Variants in EEF1A2 observed in about 807,000 individuals in gnomAD.
EEF1A2 encodes elongation factor 1-alpha 2.
A neutral mutation model predicts 39.3 loss-of-function variants in EEF1A2; 5 were observed. The observed-to-expected ratio is 0.13, with a 90% CI of 0.07 to 0.27. The LOEUF (loss-of-function observed/expected upper bound fraction) is 0.27. EEF1A2 is among the 10% of genes least tolerant of loss of function. EEF1A2 has a pLI of 1.00. For synonymous variants in EEF1A2, 287 were observed against 293.7 expected, an observed-to-expected ratio of 0.98 and a Z score of 0.23; for missense variants, 218 against 681.4, an observed-to-expected ratio of 0.32 and a Z score of 7.57.
chr20:63,493,378 G>C (rs113504041), intron 4 of EEF1A2, 91 bp from the exon 5 acceptor site: 2 of 1,403,498 alleles, frequency 1.4e-6, no homozygotes, highest in Non-Finnish European at 1.9e-6. Flanking sequence ...GAGTACTGCT[G>C]TTCAGGCTAA....
At chr20:63,493,940 T>C (rs935054191) in intron 4 of EEF1A2, among the ~76,000 whole-genome samples, 1 of 152,192 alleles carries the variant, frequency 6.6e-6, no homozygotes, top group African/African-American at 2.4e-5. Flanking sequence ...GAGGCCTCCC[T>C]GGGGAGGGGA....
chr20:63,488,846 C>T, intron 7 of EEF1A2, 72 bp downstream of exon 7: 1 of 1,520,214 alleles, frequency 6.6e-7, no homozygotes, highest in Non-Finnish European at 8.9e-7. Context: ...GCCCCATCCC[C>T]GCAGTCCTCT....
In EEF1A2 at chr20:63,489,045, A is replaced by C. The variant is rs1204115008; in HGVS notation, c.1137T>G (p.Ile379Met). 1 of 1,612,644 alleles carries C rather than the reference A, an allele frequency of 6.2e-7. No individual in the cohort carries two copies. Among genetic ancestry groups the C allele is most frequent in the Non-Finnish European group, 8.5e-7 (1 of 1,179,942 alleles). ...ACKFAELKEKIDRRSGKKLED... is the reference protein window; with the variant it reads ...ACKFAELKEKMDRRSGKKLED... Reference sequence around the variant, plus strand: ...CCAGCTTCTTGCCAGAGCGCCGGTCAATCTTCTCCTTCAGCTCCGCAAACT... The same window carrying C: ...CCAGCTTCTTGCCAGAGCGCCGGTCCATCTTCTCCTTCAGCTCCGCAAACT... Residue 379 changes from isoleucine to methionine, a missense_variant, in exon 7 of 8, where the codon ATT (isoleucine) becomes ATG (methionine). Ile to Met is a conservative substitution (Grantham distance 10). Transcript: ENST00000217182.
chr20:63,489,708 G>A (rs751479288), intron 6 of EEF1A2, among the ~76,000 whole-genome samples: 26 of 152,096 alleles, frequency 1.7e-4, no homozygotes, highest in Non-Finnish European at 1.8e-4. Flanking sequence ...ACTTGAACCC[G>A]GGAGGCGGAG....
Position 63,498,016 on chromosome 20 carries a change from C to A in EEF1A2, c.-71-182G>T. 2.2e-6 allele frequency: 1 copy of A among 459,758 alleles called. No homozygotes were observed. The highest frequency in any genetic ancestry group is 3.9e-6 in the Non-Finnish European group (1 of 257,880). The allele number at this position is 459,758 out of a possible 1,614,324, so 28.5% of individuals were successfully genotyped here. A position where few individuals can be genotyped will look rare whatever the true frequency, so the allele number is the denominator to read the frequency against. On this transcript the variant is annotated intron_variant, in intron 1 of 7. Transcript: ENST00000217182. This position sits in a 1 kb window ranked among gnomAD's most constrained non-coding sequence, Gnocchi z 4.1. ...CTGGCCAGGGCAAGCAGAGGCTGTG[C>A]ACTGCCCCCACCCCACACTTGAGCC...
In EEF1A2 at chr20:63,488,379, G is replaced by A. The variant is rs2145938170; in HGVS notation, c.1311C>T (p.Val437=). The A allele has an allele frequency of 1.4e-6, 2 of 1,478,058 alleles. No individual in the cohort carries two copies. The highest frequency in any genetic ancestry group is 1.8e-6 in the Non-Finnish European group (2 of 1,115,504). The allele number at this position is 1,478,058 out of a possible 1,614,324, so 91.6% of individuals were successfully genotyped here. ...RDMRQTVAVG[V]IKNVEKKSGG... is the part of the protein sequence containing the mutation. ...CGCTCTTCTTCTCCACGTTCTTGAT[G>A]ACGCCTACGGCCACCGTCTGCCTCA... The change falls in exon 8 of 8, where the codon GTC becomes GTT. Residue 437 remains valine, a synonymous_variant. Coordinates refer to ENST00000217182, the MANE Select transcript of EEF1A2 (RefSeq NM_001958.5).
intron 2 of EEF1A2, chr20:63,496,463 G>GT (rs1272051465): frequency 3.5e-5 from 6 of 172,038 alleles, no homozygotes; most frequent in South Asian, 2.8e-4. Context: ...CTGTGTGTGT[G>GT]TGTTTTTTTA....
chr20:63,498,052 C>T lies in EEF1A2; in HGVS notation c.-71-218G>A. 1 of 336,030 alleles carries T rather than the reference C, an allele frequency of 3.0e-6. No individual in the cohort carries two copies. The highest frequency in any genetic ancestry group is 5.4e-6 in the Non-Finnish European group (1 of 183,746). The allele number at this position is 336,030 out of a possible 1,614,324, so 20.8% of individuals were successfully genotyped here. A position where few individuals can be genotyped will look rare whatever the true frequency, so the allele number is the denominator to read the frequency against. On this transcript the variant is annotated intron_variant, in intron 1 of 7. Coordinates refer to ENST00000217182, the MANE Select transcript of EEF1A2 (RefSeq NM_001958.5). This position sits in a 1 kb window ranked among gnomAD's most constrained non-coding sequence, Gnocchi z 4.1. Reference sequence around the variant, plus strand: ...CCCCACACTTGAGCCCAAACAGCCCCATCTGCTGTAAATAACTGGGCGTTG... The same window carrying T: ...CCCCACACTTGAGCCCAAACAGCCCTATCTGCTGTAAATAACTGGGCGTTG...
At chr20:63,496,453 CTG>C (rs201333819) in intron 2 of EEF1A2, 31 of 188,236 alleles carry the variant, frequency 1.6e-4, no homozygotes, top group East Asian at 4.5e-4. Context: ...AAATAACCCT[CTG>C]TGTGTGTGTG....
intron 2 of EEF1A2, chr20:63,496,313 AC>A: frequency 2.0e-6 from 1 of 488,862 alleles, no homozygotes; most frequent in Non-Finnish European, 3.7e-6. Flanking sequence ...CGCTCGCTCT[AC>A]GAGCGAAGCC....
rs1402282508 is a variant in EEF1A2, at chr20:63,497,802, C to A, written c.-39G>T. On this transcript the variant is annotated 5_prime_UTR_variant, in exon 2 of 8. Coordinates refer to ENST00000217182, the MANE Select transcript of EEF1A2 (RefSeq NM_001958.5). The surrounding 1 kb of genome is among the most constrained non-coding windows in gnomAD (Gnocchi z 7.3). The stretch of plus-strand genomic sequence containing the variant: ...TGAGGGGCTGGCGGGACCCGGGGTG[C>A]TCTGGCTCAGGGCGAGGGGGGCTGC... 6.3e-7 allele frequency: 1 copy of A among 1,598,694 alleles called. No homozygotes were observed. The highest frequency in any genetic ancestry group is 1.1e-5 in the South Asian group (1 of 88,670).
At chr20:63,490,773 C>T (rs770749867) in intron 5 of EEF1A2, 38 bp from the exon 6 acceptor site, 19 of 1,571,064 alleles carry the variant, frequency 1.2e-5, no homozygotes, top group East Asian at 2.3e-5. Flanking sequence ...AGGTGGGGCC[C>T]GAGGGGATGC....
chr20:63,489,173 G>A (rs373453903), intron 6 of EEF1A2, 21 bp from the exon 7 acceptor site: 26 of 1,606,580 alleles, frequency 1.6e-5, no homozygotes, highest in East Asian at 2.2e-5. Flanking sequence ...AGCCACAGGC[G>A]GCCATCAGGC....
Position 63,494,924 on chromosome 20 carries a change from C to T in EEF1A2, c.502G>A (p.Asp168Asn), listed in dbSNP as rs779246304. ...TEPAYSEKRY[D>N]EIVKEVSAYI... ...GCGCTGACTTCCTTGACGATCTCGT[C>T]GTAGCGCTTCTCGCTGTAGGCCGGC... The change falls in exon 4 of 8, where the codon GAC (aspartate) becomes AAC (asparagine). Residue 168 changes from aspartate (D) to asparagine (N), a missense_variant. Asp to Asn is a conservative substitution (Grantham distance 23). Around this residue, in one of 4 missense-constraint regions of EEF1A2, gnomAD observed 79 missense variants for 172.3 expected, o/e 0.46. Coordinates refer to ENST00000217182, the MANE Select transcript of EEF1A2 (RefSeq NM_001958.5). The T allele has an allele frequency of 8.1e-6, 13 of 1,612,822 alleles. No homozygotes were observed. The highest frequency in any genetic ancestry group is 4.5e-5 in the East Asian group (2 of 44,872).
chr20:63,496,902 C>G (rs747119664), intron 2 of EEF1A2: 1 of 152,696 alleles, frequency 6.5e-6, no homozygotes, highest in Non-Finnish European at 1.5e-5. Flanking sequence ...GAGGCTCAGC[C>G]CAGGACAGCG....
In EEF1A2 at chr20:63,493,273, C is replaced by G. The variant is rs1196875645; in HGVS notation, c.636G>C (p.Lys212Asn). Residue 212 changes from lysine to asparagine, a missense_variant, in exon 5 of 8, where the codon AAG (lysine) becomes AAC (asparagine). This residue lies in a region of EEF1A2 where 79 missense variants were observed against 172.3 expected (regional missense o/e 0.46). Transcript: ENST00000217182. ...LEPSPNMPWFKGWKVERKEGN... is the reference protein window; with the variant it reads ...LEPSPNMPWFNGWKVERKEGN... The stretch of plus-strand genomic sequence containing the variant: ...CCTCCTTACGCTCCACCTTCCAGCC[C>G]TTGAACCACGGCATCTGGACCAAAG... 6.6e-7 allele frequency: 1 copy of G among 1,523,700 alleles called. No homozygotes were observed. The highest frequency in any genetic ancestry group is 1.4e-5 in the African/African-American group (1 of 72,272). 94.4% of individuals were successfully genotyped at this position (1,523,700 alleles called of 1,614,324 possible).
chr20:63,490,869 A>C, intron 5 of EEF1A2, 134 bp from the exon 6 acceptor site: 3 of 1,069,822 alleles, frequency 2.8e-6, no homozygotes, highest in Non-Finnish European at 4.0e-6. Context: ...TTGGGGCCAC[A>C]TGGGCGGAGT....
intron 5 of EEF1A2, among the ~76,000 whole-genome samples, chr20:63,491,866 GTGGATGGATAGATGGA>G (rs150981876): frequency 0.28 from 27,199 of 98,436 alleles, 3,912 homozygotes; most frequent in Middle Eastern, 0.47. Flanking sequence ...GGATGGGGAG[GTGGATGGATAGATGGA>G]TGGATGGATG....
chr20:63,494,985 C>T lies in EEF1A2; in HGVS notation c.441G>A (p.Gln147=). The part of the protein sequence containing the change: ...ALLAYTLGVK[Q]LIVGVNKMDS... ...CCATTTTGTTCACGCCCACGATGAG[C>T]TGCTTCACACCCAGCGTGTAGGCCA... Residue 147 remains glutamine (Q), a synonymous_variant, in exon 4 of 8, where the codon CAG becomes CAA. Coordinates refer to ENST00000217182, the MANE Select transcript of EEF1A2 (RefSeq NM_001958.5). 6.2e-7 allele frequency: 1 copy of T among 1,612,834 alleles called. No individual in the cohort carries two copies. Among genetic ancestry groups the T allele is most frequent in the South Asian group, 1.1e-5 (1 of 91,090 alleles).
Sources: allele counts gnomAD v4.1 joint callset (sites outside exome capture counted in the v4.1 genomes callset), GRCh38; gene constraint gnomAD v4.1.1; regional missense constraint gnomAD v4.1.1; non-coding constraint Gnocchi (gnomAD v3.1); transcripts MANE v1.5; gene names NCBI Gene and HGNC (gene_info 2026-07-23, HGNC 2026-07-21).